KDM4C: variants seen among roughly 807,000 people sequenced by gnomAD.
KDM4C encodes lysine demethylase 4C, also known as lysine-specific demethylase 4C.
In KDM4C, 81 loss-of-function variants were observed where a neutral mutation model predicts 129.3. That is an observed-to-expected ratio of 0.63 (90% CI 0.52 to 0.75). The LOEUF is 0.75. KDM4C is among the 30% of genes least tolerant of loss of function. The pLI, the probability that KDM4C is intolerant of heterozygous loss-of-function variation, is 0.00. For synonymous variants in KDM4C, 573 were observed against 456.1 expected (o/e 1.26, Z -3.26); for missense variants, 1,457 against 1,304.0 (o/e 1.12, Z -1.81).
chr9:6,898,051 G>A (rs1052694861), intron 8 of KDM4C, among the ~76,000 whole-genome samples: 3 of 152,156 alleles, frequency 2.0e-5, no homozygotes, highest in South Asian at 2.1e-4. Flanking sequence ...CCGGCCGGCA[G>A]GTTGTATTTC....
intron 1 of KDM4C, among the ~76,000 whole-genome samples, chr9:6,743,188 A>G (rs1202761064): frequency 6.6e-6 from 1 of 152,182 alleles, no homozygotes; most frequent in Non-Finnish European, 1.5e-5. Flanking sequence ...GTAATCAATC[A>G]ATCCTCTTGT....
At chr9:6,895,342 C>G (rs1439849965) in intron 8 of KDM4C, among the ~76,000 whole-genome samples, 4 of 152,208 alleles carry the variant, frequency 2.6e-5, no homozygotes, top group Non-Finnish European at 4.4e-5. Context: ...TGGCTGAATT[C>G]ACTTCCTCAC....
At chr9:6,891,865 A>G (rs1416789022) in intron 7 of KDM4C, among the ~76,000 whole-genome samples, 1 of 152,130 alleles carries the variant, frequency 6.6e-6, no homozygotes, top group Non-Finnish European at 1.5e-5. Flanking sequence ...ATCATAAAAA[A>G]AGAAAATAGG....
chr9:6,975,351 CATAG>C (rs1832742146), intron 8 of KDM4C, among the ~76,000 whole-genome samples: 3 of 152,090 alleles, frequency 2.0e-5, no homozygotes, highest in Admixed American at 6.5e-5. Flanking sequence ...GGTTATGGGT[CATAG>C]ATAAAGAAGA....
At chr9:6,800,273 A>G (rs979453613) in intron 2 of KDM4C, among the ~76,000 whole-genome samples, 1 of 152,120 alleles carries the variant, frequency 6.6e-6, no homozygotes, top group African/African-American at 2.4e-5. Flanking sequence ...AGGCTGGGAC[A>G]CGAGAATCAC....
chr9:7,114,852 T>C (rs1417653528), intron 18 of KDM4C, among the ~76,000 whole-genome samples: 1 of 152,028 alleles, frequency 6.6e-6, no homozygotes, highest in Non-Finnish European at 1.5e-5. Context: ...CCACCTGTAG[T>C]CCCAGCACTT....
chr9:6,906,787 G>A (rs1189889851), intron 8 of KDM4C, among the ~76,000 whole-genome samples: 1 of 151,534 alleles, frequency 6.6e-6, no homozygotes, highest in East Asian at 2.0e-4. Context: ...AAAGTGTTTG[G>A]CATTACATGA....
chr9:6,801,300 T>C (rs996377882), intron 2 of KDM4C, among the ~76,000 whole-genome samples: 1 of 132,770 alleles, frequency 7.5e-6, no homozygotes, highest in Non-Finnish European at 1.5e-5. Context: ...GTCCCCAGGC[T>C]GGAGTGCAGT....
chr9:7,054,262 A>G (rs1024535389), intron 17 of KDM4C, among the ~76,000 whole-genome samples: 24 of 152,332 alleles, frequency 1.6e-4, no homozygotes, highest in Admixed American at 1.4e-3. Flanking sequence ...GACTGAAAGA[A>G]AAAGAATTGA....
At chr9:7,111,027 C>A (rs77755934) in intron 18 of KDM4C, among the ~76,000 whole-genome samples, 1 of 152,100 alleles carries the variant, frequency 6.6e-6, no homozygotes, top group East Asian at 1.9e-4. Flanking sequence ...TGGAAGTAAA[C>A]GTAACCTTTT....
chr9:7,097,706 G>T lies in KDM4C; in HGVS notation c.2425-5979G>T, dbSNP rs544541821. Among the ~76,000 whole-genome samples the T allele has an allele frequency of 3.3e-5, 5 of 152,324 alleles. No individual in the cohort carries two copies. The East Asian group carries it at 9.6e-4, about 29-fold the overall frequency. ...CCAGTCCAATCGTCTCTTAAATCTA[G>T]TAGTGCTTTATCTTTCCTATTGTGA... On this transcript the variant is annotated intron_variant, in intron 17 of 21. Transcript: ENST00000381309.
chr9:7,013,878 C>A lies in KDM4C; in HGVS notation c.2059C>A (p.Pro687Thr). The A allele has an allele frequency of 4.3e-6, 7 of 1,613,938 alleles. No individual in the cohort carries two copies. The highest frequency in any genetic ancestry group is 5.9e-6 in the Non-Finnish European group (7 of 1,179,866). The part of the protein sequence containing the change: ...TSEGKTKPLI[P>T]EMCFIYSEEN... ...GGAGGGAAAGACTAAGCCCCTCATA[C>A]CAGAGATGTGTTTTATTTATAGTGA... is the stretch of plus-strand genomic sequence containing the variant. The change falls in exon 14 of 22, where the codon CCA becomes ACA. Residue 687 changes from proline to threonine, a missense_variant. Coordinates refer to ENST00000381309, the MANE Select transcript of KDM4C (RefSeq NM_015061.6).
intron 17 of KDM4C, among the ~76,000 whole-genome samples, chr9:7,088,956 C>T (rs1286653584): frequency 6.6e-6 from 1 of 151,958 alleles, no homozygotes; most frequent in African/African-American, 2.4e-5. Context: ...GTCCAGCTTT[C>T]TTAAAGCACA....
intron 4 of KDM4C, among the ~76,000 whole-genome samples, chr9:6,837,662 C>T (rs748840933): frequency 2.0e-5 from 3 of 152,096 alleles, no homozygotes; most frequent in Non-Finnish European, 2.9e-5. Flanking sequence ...GAACTGTCCT[C>T]TATTTTTCTA....
chr9:6,862,896 T>TG (rs1841219062), intron 5 of KDM4C, among the ~76,000 whole-genome samples: 1 of 152,216 alleles, frequency 6.6e-6, no homozygotes, highest in Admixed American at 6.5e-5. Context: ...AGTACTTTGT[T>TG]GGAGTTCATT....
At chr9:6,768,447 T>C (rs536799874) in intron 1 of KDM4C, among the ~76,000 whole-genome samples, 5 of 152,126 alleles carry the variant, frequency 3.3e-5, no homozygotes, top group African/African-American at 1.2e-4. Context: ...GTTGTCTTCA[T>C]GCTCCCTCAC....
chr9:6,977,172 A>G (rs997259536), intron 8 of KDM4C, among the ~76,000 whole-genome samples: 2 of 152,168 alleles, frequency 1.3e-5, no homozygotes, highest in African/African-American at 4.8e-5. Context: ...TAAATCTTCA[A>G]AATAAGAGTT....
intron 17 of KDM4C, among the ~76,000 whole-genome samples, chr9:7,051,281 G>T (rs1830119578): frequency 6.6e-6 from 1 of 152,194 alleles, no homozygotes; most frequent in Non-Finnish European, 1.5e-5. Flanking sequence ...CAGGGGCAAT[G>T]ACTGAAAGTC....
At chr9:7,071,689 A>G (rs1393363440) in intron 17 of KDM4C, among the ~76,000 whole-genome samples, 2 of 152,208 alleles carry the variant, frequency 1.3e-5, no homozygotes, top group Non-Finnish European at 2.9e-5. Context: ...CTTTGTGATC[A>G]TGGGTTTTAC....
Sources: gnomAD v4.1 joint callset for allele counts (sites outside exome capture counted in the v4.1 genomes callset) on GRCh38, gnomAD v4.1.1 for gene constraint, MANE v1.5 for transcripts, NCBI Gene and HGNC (gene_info 2026-07-23, HGNC 2026-07-21) for gene names.